Variants in PRPF8 observed in about 807,000 individuals in gnomAD.
PRPF8 encodes pre-mRNA processing factor 8, also known as pre-mRNA-processing-splicing factor 8.
PRPF8 carries 64 observed loss-of-function variants against 285.9 expected under a neutral mutation model. The ratio of observed to expected loss-of-function variants is 0.22; its 90% confidence interval spans 0.18 to 0.28. The LOEUF (loss-of-function observed/expected upper bound fraction) is 0.28, where lower values mean the gene tolerates loss of function less well. Ranked by LOEUF, PRPF8 falls within the 10% of genes least tolerant of loss-of-function variation. The probability of loss-of-function intolerance (pLI) is 1.00; values close to 1 mark genes in which losing one functional copy is unlikely to be tolerated. For missense variants in PRPF8, 1,426 were observed against 3,026.7 expected, an observed-to-expected ratio of 0.47 and a Z score of 12.41; for synonymous variants, 1,325 against 1,118.2, an observed-to-expected ratio of 1.18 and a Z score of -3.69.
chr17:1,671,141 G>A (rs1414043137), intron 24 of PRPF8, among the ~76,000 whole-genome samples: 2 of 151,960 alleles, frequency 1.3e-5, no homozygotes, highest in African/African-American at 2.4e-5. Flanking sequence ...TAGTTACATC[G>A]CCACACTTCT....
chr17:1,654,166 GGAGGTGCACTAACACTTCCAA>G, intron 37 of PRPF8, 150 bp from the exon 38 acceptor site: 1 of 1,158,960 alleles, frequency 8.6e-7, no homozygotes, highest in Non-Finnish European at 1.3e-6. Context: ...AGTGTGAAAC[GGAGGTGCACTAACACTTCCAA>G]GATTCGTCAG....
Position 1,679,742 on chromosome 17 carries a change from G to C in PRPF8, c.1156C>G (p.Pro386Ala). 1 of 1,614,174 alleles carries C rather than the reference G, an allele frequency of 6.2e-7. No individual in the cohort carries two copies. Among genetic ancestry groups the C allele is most frequent in the Non-Finnish European group, 8.5e-7 (1 of 1,180,046 alleles). ...EEFELPEFVE[P>A]FLKDTPLYTD... The stretch of plus-strand genomic sequence containing the variant: ...TAGAGGGGTGTGTCCTTCAGGAAGG[G>C]CTCCACAAACTCCGGGAGCTCAAAT... The change falls in exon 9 of 43, where the codon CCC becomes GCC. Residue 386 changes from proline to alanine, a missense_variant. Physicochemically the swap from Pro to Ala is conservative, Grantham distance 27 (BLOSUM62 -1). Around this residue, in one of 34 missense-constraint regions of PRPF8, gnomAD observed 137 missense variants for 161.2 expected, o/e 0.85. Transcript: ENST00000304992. This position sits in a 1 kb window ranked among gnomAD's most constrained non-coding sequence, Gnocchi z 4.7.
chr17:1,681,615 A>T lies in PRPF8; in HGVS notation c.729T>A (p.Asn243Lys). 6.2e-7 allele frequency: 1 copy of T among 1,614,168 alleles called. No individual in the cohort carries two copies. The highest frequency in any genetic ancestry group is 8.5e-7 in the Non-Finnish European group (1 of 1,180,034). ...CATCCACCAAGTCTGTCAGGAGCTG[A>T]TTAGCCAGGCGGTAGAGAGTCGACA... ...PMMSTLYRLA[N>K]QLLTDLVDDN... is the part of the protein sequence containing the mutation. Residue 243 changes from asparagine to lysine, a missense_variant, in exon 6 of 43, where the codon AAT becomes AAA. Asn to Lys is a moderately conservative substitution (Grantham distance 94). Coordinates refer to ENST00000304992, the MANE Select transcript of PRPF8 (RefSeq NM_006445.4).
At chr17:1,657,967 G>A (rs1241953595) in intron 34 of PRPF8, among the ~76,000 whole-genome samples, 6 of 125,120 alleles carry the variant, frequency 4.8e-5, no homozygotes, top group African/African-American at 2.4e-4. Context: ...CGAGACTCCG[G>A]CTAAAAAAAA....
intron 24 of PRPF8, chr17:1,672,841 T>C (rs1912400321): frequency 1.7e-6 from 1 of 596,216 alleles, no homozygotes; most frequent in Non-Finnish European, 3.0e-6. Flanking sequence ...TACTCTTGCC[T>C]TAATTTAGAA....
Position 1,658,663 on chromosome 17 carries a change from T to C in PRPF8, c.5239A>G (p.Ile1747Val), listed in dbSNP as rs746186222. 1.9e-6 allele frequency: 3 copies of C among 1,614,230 alleles called. No homozygotes were observed. Among genetic ancestry groups the C allele is most frequent in the Non-Finnish European group, 2.5e-6 (3 of 1,180,048 alleles). Reference protein sequence around the residue: ...NPALYVLRERIRKGLQLYSSE... With the variant: ...NPALYVLRERVRKGLQLYSSE... ...GAATAGAGCTGTAGCCCCTTGCGGA[T>C]CCGTTCACGTAACACATACAGGGCA... Residue 1747 changes from isoleucine to valine, a missense_variant, in exon 33 of 43, where the codon ATC (isoleucine) becomes GTC (valine). Transcript: ENST00000304992. The surrounding 1 kb of genome is among the most constrained non-coding windows in gnomAD (Gnocchi z 4.1).
At chr17:1,660,143 A>G in intron 30 of PRPF8, 142 bp from the exon 31 acceptor site, 5 of 1,126,820 alleles carry the variant, frequency 4.4e-6, no homozygotes, top group Non-Finnish European at 6.7e-6. Flanking sequence ...GAGCAAGCTG[A>G]GCTGACTCTG....
Position 1,661,279 on chromosome 17 carries a change from G to A in PRPF8, c.4330C>T (p.Gln1444Ter). ...KGWRVRTDFK[Q>*]YQVLKQNPFW... is the part of the protein sequence containing the mutation. ...CTGCTCCCTCTACATACCTGATACT[G>A]CTTAAAGTCAGTTCTGACACGCCAG... Residue 1444 changes from glutamine to a stop codon, truncating the protein, a stop_gained, in exon 27 of 43, where the codon CAG becomes TAG. Coordinates refer to ENST00000304992, the MANE Select transcript of PRPF8 (RefSeq NM_006445.4). LOFTEE classifies it high-confidence loss of function. The surrounding 1 kb of genome is among the most constrained non-coding windows in gnomAD (Gnocchi z 7.3). 1 of 1,614,128 alleles carries A rather than the reference G, an allele frequency of 6.2e-7. No homozygotes were observed. Among genetic ancestry groups the A allele is most frequent in the East Asian group, 2.2e-5 (1 of 44,888 alleles).
chr17:1,654,604 C>A, intron 37 of PRPF8: 1 of 184,028 alleles, frequency 5.4e-6, no homozygotes, highest in Non-Finnish European at 1.2e-5. Context: ...ACTGCTGTAT[C>A]TCTCTTCCTC....
intron 34 of PRPF8, among the ~76,000 whole-genome samples, chr17:1,657,599 T>C (rs1490848183): frequency 7.6e-6 from 1 of 132,362 alleles, no homozygotes; most frequent in Non-Finnish European, 1.6e-5. Context: ...TGAGCTGAAA[T>C]CAGGCCACTG....
At chr17:1,674,279 C>T (rs1334355344) in intron 21 of PRPF8, among the ~76,000 whole-genome samples, 163 bp downstream of exon 21, 4 of 152,144 alleles carry the variant, frequency 2.6e-5, no homozygotes, top group African/African-American at 9.7e-5. Context: ...GCCTCGGCCT[C>T]CCAAAGTGCT....
At chr17:1,664,947 C>T (rs967243757) in intron 24 of PRPF8, among the ~76,000 whole-genome samples, 2 of 149,876 alleles carry the variant, frequency 1.3e-5, no homozygotes, top group South Asian at 2.1e-4. Flanking sequence ...CACGAGGTCA[C>T]GAGTTCAAGA....
In PRPF8 at chr17:1,673,026, A is replaced by C; in HGVS notation, c.3774+55T>G. ...AGGGGACGAAGTGAAAGGGGTGTGA[A>C]ATGAGCAGAGGACAGCAGAGGACAA... On this transcript the variant is annotated intron_variant, in intron 24 of 42. Transcript: ENST00000304992. The surrounding 1 kb of genome is among the most constrained non-coding windows in gnomAD (Gnocchi z 5.5). 1.3e-6 allele frequency: 2 copies of C among 1,519,184 alleles called. No homozygotes were observed. The highest frequency in any genetic ancestry group is 9.1e-7 in the Non-Finnish European group (1 of 1,093,408). The allele number at this position is 1,519,184 out of a possible 1,614,324, so 94.1% of individuals were successfully genotyped here.
Position 1,653,311 on chromosome 17 carries a change from T to C in PRPF8, c.6369+231A>G, listed in dbSNP as rs540269764. 41 of 635,956 alleles carry C rather than the reference T, an allele frequency of 6.4e-5. No homozygotes were observed. Among genetic ancestry groups the C allele is most frequent in the Admixed American group, 4.4e-4 (18 of 41,092 alleles). 39.4% of individuals were successfully genotyped at this position (635,956 alleles called of 1,614,324 possible). ...AATTTGTTTCTGACCATATCTGTTCTCTTCCAAATACTATCAGGCCAATAC... is the reference window on the plus strand; with the variant it reads ...AATTTGTTTCTGACCATATCTGTTCCCTTCCAAATACTATCAGGCCAATAC... On this transcript the variant is annotated intron_variant, in intron 39 of 42. Coordinates refer to ENST00000304992, the MANE Select transcript of PRPF8 (RefSeq NM_006445.4). The surrounding 1 kb of genome is among the most constrained non-coding windows in gnomAD (Gnocchi z 4.9).
intron 24 of PRPF8, among the ~76,000 whole-genome samples, chr17:1,665,491 T>C (rs894314119): frequency 6.6e-5 from 10 of 150,538 alleles, no homozygotes; most frequent in African/African-American, 1.7e-4. Flanking sequence ...TGAGCCAAGA[T>C]TGCGCCACTG....
At chr17:1,683,479 G>A in intron 3 of PRPF8, 54 bp downstream of exon 3, 4 of 1,587,044 alleles carry the variant, frequency 2.5e-6, no homozygotes, top group Non-Finnish European at 3.5e-6. Context: ...TGTGGGACAG[G>A]GAGAAGGGAA....
chr17:1,663,709 T>G (rs1010000981), intron 24 of PRPF8, among the ~76,000 whole-genome samples: 23 of 26,700 alleles, frequency 8.6e-4, no homozygotes, highest in African/African-American at 3.6e-3. Context: ...AGACTCCATC[T>G]CAAAAAAAAA....
chr17:1,653,185 C>T lies in PRPF8; in HGVS notation c.6369+357G>A. ...AAACCCCTGACCTCAGGTGATCCAC[C>T]CACCTAGGCCTCCCAAAGTGCTGGG... On this transcript the variant is annotated intron_variant, in intron 39 of 42. Transcript: ENST00000304992. The surrounding 1 kb of genome is among the most constrained non-coding windows in gnomAD (Gnocchi z 4.9). 2.5e-6 allele frequency: 1 copy of T among 402,854 alleles called. No individual in the cohort carries two copies. Among genetic ancestry groups the T allele is most frequent in the South Asian group, 2.2e-5 (1 of 45,390 alleles). 25.0% of individuals were successfully genotyped at this position (402,854 alleles called of 1,614,324 possible). A position where few individuals can be genotyped will look rare whatever the true frequency, so the allele number is the denominator to read the frequency against.
chr17:1,684,437 T>G, intron 2 of PRPF8, 35 bp downstream of exon 2: 1 of 1,610,396 alleles, frequency 6.2e-7, no homozygotes, highest in Non-Finnish European at 8.5e-7. Flanking sequence ...CCGCCCCGCC[T>G]CCGGCCCGCG....
Sources: allele counts gnomAD v4.1 joint callset (sites outside exome capture counted in the v4.1 genomes callset), GRCh38; gene constraint gnomAD v4.1.1; regional missense constraint gnomAD v4.1.1; non-coding constraint Gnocchi (gnomAD v3.1); transcripts MANE v1.5; gene names NCBI Gene and HGNC (gene_info 2026-07-23, HGNC 2026-07-21).